DMD: variants seen among roughly 807,000 people sequenced by gnomAD.
DMD encodes the protein mutant dystrophin.
In DMD, 63 loss-of-function variants were observed where a neutral mutation model predicts 330.1. That is an observed-to-expected ratio of 0.19 (90% confidence interval 0.16 to 0.24). The LOEUF is 0.24. Among genes scored for constraint, DMD ranks in the 10% least tolerant of loss-of-function variants. The pLI is 1.00. For synonymous variants in DMD, 1,223 were observed against 959.8 expected (o/e 1.27, Z -5.07); for missense variants, 3,344 against 2,684.1 (o/e 1.25, Z -5.43).
At chrX:32,717,018 A>G (rs1015431186) in intron 7 of DMD, among the ~76,000 whole-genome samples, 1 of 111,178 alleles carries the variant, frequency 9.0e-6, no homozygotes, top group African/African-American at 3.3e-5. Context: ...TGGAACTTAT[A>G]TTTAAAAGGG....
At chrX:33,043,090 T>C (rs2094327308) in intron 1 of DMD, among the ~76,000 whole-genome samples, 1 of 112,129 alleles carries the variant, frequency 8.9e-6, no homozygotes, top group Non-Finnish European at 1.9e-5. Flanking sequence ...AAATATATTC[T>C]TTTTTAATTT....
intron 41 of DMD, among the ~76,000 whole-genome samples, chrX:32,319,444 CAACTT>C (rs1028228418): frequency 5.4e-5 from 6 of 111,487 alleles, no homozygotes; most frequent in Non-Finnish European, 1.1e-4. Flanking sequence ...AAACAAGTAT[CAACTT>C]AACAGGATAA....
intron 54 of DMD, among the ~76,000 whole-genome samples, chrX:31,639,224 T>C (rs886520008): frequency 1.3e-4 from 15 of 111,610 alleles, no homozygotes; most frequent in Non-Finnish European, 1.9e-4. Context: ...CATTTGACTA[T>C]CACAGTGATT....
rs528191347 is a variant in DMD, at chrX:32,068,491, A to C, written c.6439-99977T>G. 3.7e-5 allele frequency among the ~76,000 whole-genome samples: 4 copies of C among 107,421 alleles called. No individual in the cohort carries two copies. In the Middle Eastern group the frequency reaches 0.02, roughly 527 times the overall value. 93.3% of individuals were successfully genotyped at this position (107,421 alleles called of 115,157 possible). On this transcript the variant is annotated intron_variant, in intron 44 of 78. Transcript: ENST00000357033. ...TTTATTCTAGGATTCTTATAGCTTG[A>C]AGTCTTACATTTAAATCTTTAATCC...
At chrX:32,741,400 G>A (rs944435385) in intron 7 of DMD, among the ~76,000 whole-genome samples, 2 of 111,102 alleles carry the variant, frequency 1.8e-5, no homozygotes, top group African/African-American at 3.3e-5. Context: ...GTTAGGATTC[G>A]AAACATACTA....
In DMD at chrX:32,191,507, T is replaced by G. The variant is rs775162504; in HGVS notation, c.6438+25409A>C. Among the ~76,000 whole-genome samples, 9 of 111,623 alleles carry G rather than the reference T, an allele frequency of 8.1e-5. No individual in the cohort carries two copies. In the East Asian group the frequency reaches 8.5e-4, roughly 11 times the overall value. On this transcript the variant is annotated intron_variant, in intron 44 of 78. Transcript: ENST00000357033. ...CTCTGTTCTCTCCTCAATGCATATT[T>G]GTTGTATACTCTTTGCCAGGAGCTA...
intron 1 of DMD, among the ~76,000 whole-genome samples, chrX:33,067,539 T>G (rs972701787): frequency 3.0e-4 from 34 of 112,374 alleles, no homozygotes; most frequent in African/African-American, 1.1e-3. Context: ...AGTGAACATA[T>G]GATGTTAATT....
chrX:31,474,732 T>TA (rs2067623468), intron 59 of DMD, among the ~76,000 whole-genome samples: 1 of 99,028 alleles, frequency 1.0e-5, no homozygotes, highest in Non-Finnish European at 2.0e-5. Context: ...TAAAATAAAA[T>TA]AAAATAAAAT....
chrX:31,495,572 G>T (rs1028326188), intron 57 of DMD, among the ~76,000 whole-genome samples: 1 of 111,942 alleles, frequency 8.9e-6, no homozygotes, highest in African/African-American at 3.2e-5. Context: ...ATTGGTCATC[G>T]TTGGAGGATG....
At chrX:32,176,639 A>G (rs1661448345) in intron 44 of DMD, among the ~76,000 whole-genome samples, 1 of 111,500 alleles carries the variant, frequency 9.0e-6, no homozygotes, top group Admixed American at 9.5e-5. Flanking sequence ...TGAGTATAGA[A>G]AGGGAGGTTA....
At chrX:32,785,784 ATTAT>A (rs771527232) in intron 7 of DMD, among the ~76,000 whole-genome samples, 73 of 111,479 alleles carry the variant, frequency 6.5e-4, no homozygotes, top group Middle Eastern at 4.6e-3. Context: ...AAAAAAATAC[ATTAT>A]TTATTTTTAT....
intron 16 of DMD, among the ~76,000 whole-genome samples, chrX:32,556,360 TTGG>T (rs546202625): frequency 1.4e-3 from 153 of 111,444 alleles, no homozygotes; most frequent in African/African-American, 4.9e-3. Flanking sequence ...TTTTACACTC[TTGG>T]TGGGAGTGTA....
At chrX:33,205,591 C>T (rs1294151662) in intron 1 of DMD, among the ~76,000 whole-genome samples, 1 of 111,788 alleles carries the variant, frequency 8.9e-6, no homozygotes, top group Non-Finnish European at 1.9e-5. Flanking sequence ...TGTTTATGCC[C>T]TTTTATAGTC....
chrX:33,270,296 G>A (rs1003629537), intron 1 of DMD, among the ~76,000 whole-genome samples: 5 of 109,130 alleles, frequency 4.6e-5, no homozygotes, highest in Non-Finnish European at 9.5e-5. Flanking sequence ...GTAGCTGTGA[G>A]TAAAGTAAGG....
At chrX:32,189,832 A>G (rs1390685452) in intron 44 of DMD, among the ~76,000 whole-genome samples, 2 of 110,767 alleles carry the variant, frequency 1.8e-5, no homozygotes, top group Admixed American at 9.7e-5. Flanking sequence ...GTGCAGTAGA[A>G]CCCTTTCATC....
chrX:32,137,408 G>T (rs1041096344), intron 44 of DMD, among the ~76,000 whole-genome samples: 2 of 111,764 alleles, frequency 1.8e-5, no homozygotes, highest in Non-Finnish European at 3.8e-5. Flanking sequence ...AAAGGGGTAA[G>T]CCAGTACAAC....
intron 44 of DMD, among the ~76,000 whole-genome samples, chrX:32,205,010 T>TCTC (rs2097059434): frequency 2.1e-4 from 11 of 53,065 alleles, no homozygotes; most frequent in Admixed American, 1.3e-3. Context: ...CTCTCTCACA[T>TCTC]ACACACACAC....
chrX:32,482,678 G>A (rs746886955), intron 21 of DMD, among the ~76,000 whole-genome samples: 1 of 111,578 alleles, frequency 9.0e-6, no homozygotes, highest in Non-Finnish European at 1.9e-5. Context: ...AACCCCATTA[G>A]CTTACTTGTG....
chrX:31,140,175 T>C (rs1193736621), intron 76 of DMD, among the ~76,000 whole-genome samples: 1 of 112,889 alleles, frequency 8.9e-6, no homozygotes, highest in African/African-American at 3.2e-5. Context: ...ATATCCCATC[T>C]GACTCACTTC....
Sources: gnomAD v4.1 joint callset for allele counts (sites outside exome capture counted in the v4.1 genomes callset) on GRCh38, gnomAD v4.1.1 for gene constraint, MANE v1.5 for transcripts, NCBI Gene and HGNC (gene_info 2026-07-23, HGNC 2026-07-21) for gene names.